RBP7: variants seen among roughly 807,000 people sequenced by gnomAD.
The protein encoded by RBP7 is retinoid-binding protein 7.
Under a neutral mutation model 16.7 loss-of-function variants are expected in RBP7, and 13 were observed. The ratio of observed to expected loss-of-function variants is 0.78; its 90% CI spans 0.51 to 1.24. The LOEUF (loss-of-function observed/expected upper bound fraction) is 1.24, where lower values mean the gene tolerates loss of function less well. Among genes scored for constraint, RBP7 ranks in the 50% most tolerant of loss-of-function variants. The pLI is 0.00. For missense variants in RBP7, 145 were observed against 159.5 expected (o/e 0.91, Z 0.49); for synonymous variants, 54 against 56.2 (o/e 0.96, Z 0.17).
intron 1 of RBP7, 61 bp from the exon 2 acceptor site, chr1:10,007,509 C>G: frequency 8.0e-7 from 1 of 1,245,542 alleles, no homozygotes; most frequent in Non-Finnish European, 1.1e-6. Context: ...GAACAGCTAC[C>G]AAATTCTTCA....
chr1:10,003,457 C>CA (rs1302807005), intron 1 of RBP7, among the ~76,000 whole-genome samples: 2 of 151,926 alleles, frequency 1.3e-5, no homozygotes, highest in African/African-American at 4.8e-5. Context: ...CAAACAAAAA[C>CA]AAAAAAACCA....
At chr1:10,008,668 T>A (rs1160410392) in intron 3 of RBP7, among the ~76,000 whole-genome samples, 1 of 151,612 alleles carries the variant, frequency 6.6e-6, no homozygotes, top group African/African-American at 2.4e-5. Flanking sequence ...CTCGATCTCT[T>A]GACCTCATGA....
intron 1 of RBP7, among the ~76,000 whole-genome samples, chr1:10,006,058 C>T (rs1355760824): frequency 1.3e-5 from 2 of 152,144 alleles, no homozygotes; most frequent in African/African-American, 2.4e-5. Flanking sequence ...TTCAGCTCCC[C>T]GCTGAGACGT....
intron 3 of RBP7, among the ~76,000 whole-genome samples, chr1:10,013,544 C>G (rs940975872): frequency 1.3e-5 from 2 of 152,088 alleles, no homozygotes; most frequent in African/African-American, 4.8e-5. Flanking sequence ...GGCAGTGGCT[C>G]ATACCTGTAA....
At chr1:10,008,407 C>T (rs1002176889) in intron 3 of RBP7, 133 bp downstream of exon 3, 9 of 532,180 alleles carry the variant, frequency 1.7e-5, no homozygotes, top group Non-Finnish European at 2.7e-5. Flanking sequence ...GGTCAGGAGA[C>T]TAGCCTGGCC....
intron 3 of RBP7, among the ~76,000 whole-genome samples, chr1:10,010,808 TC>T (rs78604748): frequency 0.27 from 40,275 of 151,564 alleles, 7,378 homozygotes; most frequent in African/African-American, 0.51. Context: ...GGGCTTGAAC[TC>T]CCGACCTCAG....
intron 3 of RBP7, 62 bp from the exon 4 acceptor site, chr1:10,015,720 G>A (rs1231663761): frequency 2.2e-5 from 30 of 1,370,934 alleles, no homozygotes; most frequent in Non-Finnish European, 2.9e-5. Flanking sequence ...AATAAGTGTT[G>A]AGAGTAAAAA....
chr1:10,009,219 G>A (rs1330427674), intron 3 of RBP7, among the ~76,000 whole-genome samples: 1 of 152,048 alleles, frequency 6.6e-6, no homozygotes, highest in African/African-American at 2.4e-5. Flanking sequence ...AGATCATCCT[G>A]GCCAACATGG....
intron 1 of RBP7, among the ~76,000 whole-genome samples, chr1:10,000,515 C>T (rs1235229075): frequency 2.0e-5 from 3 of 150,486 alleles, no homozygotes; most frequent in Non-Finnish European, 4.4e-5. Flanking sequence ...GCCTGGGCAA[C>T]AGCATGAGAC....
intron 3 of RBP7, among the ~76,000 whole-genome samples, chr1:10,013,090 T>TC (rs35920028): frequency 3.3e-5 from 5 of 150,104 alleles, no homozygotes; most frequent in African/African-American, 4.9e-5. Context: ...TTTTTTTTTT[T>TC]CAGACAGAGT....
intron 1 of RBP7, among the ~76,000 whole-genome samples, chr1:10,005,997 C>T (rs1413924716): frequency 6.6e-6 from 1 of 152,200 alleles, no homozygotes; most frequent in Non-Finnish European, 1.5e-5. Context: ...CCCTGGATTT[C>T]TGCCTTAAAC....
Position 10,007,651 on chromosome 1 carries a change from T to C in RBP7, c.155T>C (p.Ile52Thr). Residue 52 changes from isoleucine (I) to threonine (T), a missense_variant, in exon 2 of 4, where the codon ATC (isoleucine) becomes ACC (threonine). By Grantham distance (89) the Ile-to-Thr change is moderately conservative. Coordinates refer to ENST00000294435, the MANE Select transcript of RBP7 (RefSeq NM_052960.3). Reference protein sequence around the residue: ...VIEQNGDSFTIHTNSSLRNYF... With the variant: ...VIEQNGDSFTTHTNSSLRNYF... The stretch of plus-strand genomic sequence containing the variant: ...GAGCAGAATGGGGATTCTTTTACCA[T>C]CCACACGAACAGCAGCCTAAGGAAC... The C allele has an allele frequency of 6.2e-7, 1 of 1,614,044 alleles. No homozygotes were observed. Among genetic ancestry groups the C allele is most frequent in the Non-Finnish European group, 8.5e-7 (1 of 1,179,970 alleles).
Position 10,007,642 on chromosome 1 carries a change from C to T in RBP7, c.146C>T (p.Ser49Phe). 6.2e-7 allele frequency: 1 copy of T among 1,613,944 alleles called. No homozygotes were observed. Among genetic ancestry groups the T allele is most frequent in the Non-Finnish European group, 8.5e-7 (1 of 1,179,928 alleles). Residue 49 changes from serine (S) to phenylalanine (F), a missense_variant, in exon 2 of 4, where the codon TCT (serine) becomes TTT (phenylalanine). By Grantham distance (155) the Ser-to-Phe change is radical (BLOSUM62 -2). Coordinates refer to ENST00000294435, the MANE Select transcript of RBP7 (RefSeq NM_052960.3). Reference sequence around the variant, plus strand: ...AAAGTGATTGAGCAGAATGGGGATTCTTTTACCATCCACACGAACAGCAGC... The same window carrying T: ...AAAGTGATTGAGCAGAATGGGGATTTTTTTACCATCCACACGAACAGCAGC... ...PQKVIEQNGDSFTIHTNSSLR... is the reference protein window; with the variant it reads ...PQKVIEQNGDFFTIHTNSSLR...
chr1:10,007,473 C>A, intron 1 of RBP7, 97 bp from the exon 2 acceptor site: 2 of 889,716 alleles, frequency 2.2e-6, no homozygotes, highest in South Asian at 1.8e-5. Flanking sequence ...ACAGGAAATG[C>A]TAACAATTAC....
At position 10,015,533 on chromosome 1, in the gene RBP7, G is replaced by A. The variant is rs150567412; in HGVS notation, c.355-249G>A. ...AAAAATTAGCCGGGCATGATGGCAC[G>A]TGCCTGCAGTGTCCCAGCTACTTTG... On this transcript the variant is annotated intron_variant, in intron 3 of 3. Coordinates refer to ENST00000294435, the MANE Select transcript of RBP7 (RefSeq NM_052960.3). Among the ~76,000 whole-genome samples the A allele has an allele frequency of 1.1e-3, 167 of 151,678 alleles. 1 individual carries two copies. The highest frequency in any genetic ancestry group is 3.3e-3 in the African/African-American group (136 of 41,362).
chr1:10,002,017 AG>A (rs1272849655), intron 1 of RBP7, among the ~76,000 whole-genome samples: 1 of 151,658 alleles, frequency 6.6e-6, no homozygotes, highest in Non-Finnish European at 1.5e-5. Flanking sequence ...TAGTACAGAC[AG>A]GGTTTCACCA....
intron 1 of RBP7, among the ~76,000 whole-genome samples, chr1:10,000,696 TAAAC>T (rs1158941382): frequency 6.6e-6 from 1 of 152,176 alleles, no homozygotes; most frequent in Admixed American, 6.6e-5. Context: ...CTTAGATCTT[TAAAC>T]TGTAGGGTCT....
In RBP7 at chr1:10,015,920, G is replaced by T; in HGVS notation, c.*88G>T. The T allele has an allele frequency of 1.5e-6, 2 of 1,293,808 alleles. No individual in the cohort carries two copies. The allele number at this position is 1,293,808 out of a possible 1,614,324, so 80.1% of individuals were successfully genotyped here. On this transcript the variant is annotated 3_prime_UTR_variant, in exon 4 of 4. Coordinates refer to ENST00000294435, the MANE Select transcript of RBP7 (RefSeq NM_052960.3). ...GAACAGACGTTTATCTATCCCATTT[G>T]GCGACGAGGACTCGTGGCTGGAGAG... is the stretch of plus-strand genomic sequence containing the variant.
chr1:10,006,705 AAAG>A (rs1259217127), intron 1 of RBP7, among the ~76,000 whole-genome samples: 1 of 150,608 alleles, frequency 6.6e-6, no homozygotes, highest in African/African-American at 2.5e-5. Context: ...GGAAAAAAAA[AAAG>A]AAAAAAAAAA....
Sources: allele counts gnomAD v4.1 joint callset (sites outside exome capture counted in the v4.1 genomes callset), GRCh38; gene constraint gnomAD v4.1.1; transcripts MANE v1.5; gene names NCBI Gene and HGNC (gene_info 2026-07-23, HGNC 2026-07-21).